The following KIF3C variants were observed in gnomAD, a reference collection of about 807,000 sequenced individuals.
KIF3C encodes kinesin-like protein KIF3C.
In KIF3C, 12 loss-of-function variants were observed where a neutral mutation model predicts 67.7. That is an observed-to-expected ratio of 0.18 (90% CI 0.11 to 0.29). The LOEUF (loss-of-function observed/expected upper bound fraction) is 0.29. Ranked by LOEUF, KIF3C falls within the 10% of genes least tolerant of loss-of-function variation. The pLI is 1.00. For synonymous variants in KIF3C, 393 were observed against 426.2 expected, an observed-to-expected ratio of 0.92 and a Z score of 0.96; for missense variants, 789 against 1,059.6, an observed-to-expected ratio of 0.74 and a Z score of 3.55.
rs986147265 is a variant in KIF3C at position 25,927,715 on chromosome 2, G to A, written c.*1263C>T. 2 of 152,050 alleles carry A rather than the reference G, an allele frequency of 1.3e-5. No homozygotes were observed. Among genetic ancestry groups the A allele is most frequent in the Non-Finnish European group, 2.9e-5 (2 of 68,014 alleles). The allele number at this position is 152,050 out of a possible 1,614,324, so 9.4% of individuals were successfully genotyped here. ...AATCCTAATTCACTCGCTTGCTTTC[G>A]TTATGACCTCTTCACCCGTCCTCCA... On this transcript the variant is annotated 3_prime_UTR_variant, in exon 8 of 8. Coordinates refer to ENST00000264712, the MANE Select transcript of KIF3C (RefSeq NM_002254.8).
At chr2:25,976,202 G>A (rs571293061) in intron 1 of KIF3C, among the ~76,000 whole-genome samples, 2 of 152,208 alleles carry the variant, frequency 1.3e-5, no homozygotes, top group South Asian at 4.2e-4. Flanking sequence ...AACACAGTTC[G>A]CATTCCTCCT....
At chr2:25,957,451 G>A (rs558042523) in intron 1 of KIF3C, among the ~76,000 whole-genome samples, 37 of 152,276 alleles carry the variant, frequency 2.4e-4, no homozygotes, top group Admixed American at 2.0e-3. Flanking sequence ...GGGGGTGCCC[G>A]ATTTGAAATT....
Position 25,980,247 on chromosome 2 carries a change from G to T in KIF3C, c.1545+126C>A. 1.3e-6 allele frequency: 1 copy of T among 765,362 alleles called. No homozygotes were observed. Among genetic ancestry groups the T allele is most frequent in the Non-Finnish European group, 2.1e-6 (1 of 484,038 alleles). The allele number at this position is 765,362 out of a possible 1,614,324, so 47.4% of individuals were successfully genotyped here. A position where few individuals can be genotyped will look rare whatever the true frequency, so the allele number is the denominator to read the frequency against. On this transcript the variant is annotated intron_variant, in intron 1 of 7. Transcript: ENST00000264712. The surrounding 1 kb of genome is among the most constrained non-coding windows in gnomAD (Gnocchi z 7.6). Reference sequence around the variant, plus strand: ...TGCTCTGGGGGCACATTTGGCAGGAGGGCAGTGTGCGGTGCTGAGGGAGAA... The same window carrying T: ...TGCTCTGGGGGCACATTTGGCAGGATGGCAGTGTGCGGTGCTGAGGGAGAA...
chr2:25,958,580 C>CAAAAAA lies in KIF3C; in HGVS notation c.1546-2142_1546-2137dup, dbSNP rs550885993. On this transcript the variant is annotated intron_variant, in intron 1 of 7. Transcript: ENST00000264712. This position sits in a 1 kb window ranked among gnomAD's most constrained non-coding sequence, Gnocchi z 4.5. ...TGGGTGCCAGAGTGAGACTTCATCA[C>CAAAAAA]AAAAAACAAAAAACAAAAAACAGCA... Among the ~76,000 whole-genome samples the CAAAAAA allele has an allele frequency of 2.2e-4, 33 of 151,424 alleles. No homozygotes were observed. In the South Asian group the frequency reaches 6.9e-3, roughly 32 times the overall value.
chr2:25,968,065 A>G (rs1471944536), intron 1 of KIF3C, among the ~76,000 whole-genome samples: 1 of 152,088 alleles, frequency 6.6e-6, no homozygotes, highest in Non-Finnish European at 1.5e-5. Context: ...TCACAGACCT[A>G]TTTCTCCTTT....
At chr2:25,938,508 C>A (rs1004470253) in intron 5 of KIF3C, among the ~76,000 whole-genome samples, 2 of 152,182 alleles carry the variant, frequency 1.3e-5, no homozygotes, top group East Asian at 1.9e-4. Context: ...CCTTTGAAAG[C>A]TCAGGCGCTG....
intron 1 of KIF3C, among the ~76,000 whole-genome samples, chr2:25,970,267 C>T (rs972135276): frequency 2.6e-5 from 4 of 152,144 alleles, no homozygotes; most frequent in South Asian, 4.1e-4. Context: ...TCTAGGTGTG[C>T]GAACTTGGAA....
intron 1 of KIF3C, among the ~76,000 whole-genome samples, chr2:25,974,907 T>A (rs1231145909): frequency 6.6e-6 from 1 of 151,334 alleles, no homozygotes; most frequent in Non-Finnish European, 1.5e-5. Flanking sequence ...ATGCCTGTAA[T>A]CCCAGCTACT....
chr2:25,961,575 G>C (rs1663943683), intron 1 of KIF3C, among the ~76,000 whole-genome samples: 1 of 152,332 alleles, frequency 6.6e-6, no homozygotes, highest in East Asian at 1.9e-4. Flanking sequence ...GGGAGGAGGA[G>C]GAGGAGTAAC....
intron 5 of KIF3C, among the ~76,000 whole-genome samples, chr2:25,946,634 G>A (rs1162080915): frequency 1.3e-5 from 2 of 152,326 alleles, no homozygotes; most frequent in Admixed American, 6.5e-5. Context: ...GTTGCAGTGA[G>A]CCAAGATCGC....
At position 25,981,766 on chromosome 2, in the gene KIF3C, G is replaced by A. The variant is rs763882724; in HGVS notation, c.152C>T (p.Pro51Leu). 6.2e-7 allele frequency: 1 copy of A among 1,613,538 alleles called. No individual in the cohort carries two copies. The highest frequency in any genetic ancestry group is 8.5e-7 in the Non-Finnish European group (1 of 1,179,706). The change falls in exon 1 of 8, where the codon CCG (proline) becomes CTG (leucine). Residue 51 changes from proline (P) to leucine (L), a missense_variant. This residue lies in a region of KIF3C where 141 missense variants were observed against 251.8 expected (regional missense o/e 0.56). Transcript: ENST00000264712. The surrounding 1 kb of genome is among the most constrained non-coding windows in gnomAD (Gnocchi z 8.2). Reference protein sequence around the residue: ...QVTLRNPRAAPGELPKTFTFD... With the variant: ...QVTLRNPRAALGELPKTFTFD... ...GGTGAAGGTCTTGGGCAGCTCCCCC[G>A]GGGCGGCGCGGGGGTTCCGCAGGGT...
At chr2:25,932,190 C>CG (rs916586484) in intron 5 of KIF3C, among the ~76,000 whole-genome samples, 6 of 151,502 alleles carry the variant, frequency 4.0e-5, no homozygotes, top group Non-Finnish European at 5.9e-5. Context: ...TTAGTAGAGA[C>CG]GGGGTTTCAC....
chr2:25,973,407 A>G (rs1664329571), intron 1 of KIF3C, among the ~76,000 whole-genome samples: 1 of 152,084 alleles, frequency 6.6e-6, no homozygotes, highest in Non-Finnish European at 1.5e-5. Flanking sequence ...TACAAAACTT[A>G]GCCAGGTGTG....
chr2:25,982,183 A>G lies in KIF3C; in HGVS notation c.-266T>C. ...GTCGCCGCGGGAGCAGCGCCTGCCG[A>G]GCAGCCGTGCCCGGAGCCCGCCCCA... is the stretch of plus-strand genomic sequence containing the variant. On this transcript the variant is annotated 5_prime_UTR_variant, in exon 1 of 8. Transcript: ENST00000264712. The G allele has an allele frequency of 2.2e-6, 1 of 446,698 alleles. No homozygotes were observed. The highest frequency in any genetic ancestry group is 3.9e-6 in the Non-Finnish European group (1 of 254,292). The allele number at this position is 446,698 out of a possible 1,614,324, so 27.7% of individuals were successfully genotyped here. A position where few individuals can be genotyped will look rare whatever the true frequency, so the allele number is the denominator to read the frequency against.
At chr2:25,935,706 T>C (rs946268804) in intron 5 of KIF3C, among the ~76,000 whole-genome samples, 3 of 152,050 alleles carry the variant, frequency 2.0e-5, no homozygotes, top group African/African-American at 7.2e-5. Flanking sequence ...ACAACCAAAA[T>C]GGGGTTGGTT....
rs777980561 is a variant in KIF3C at position 25,980,653 on chromosome 2, G to A, written c.1265C>T (p.Pro422Leu). ...KKAVSAPPGY[P>L]EGPVIEAWVA... ...CCAGGCCTCAATCACTGGGCCCTCA[G>A]GGTACCCAGGCGGGGCGGACACGGC... is the stretch of plus-strand genomic sequence containing the variant. The change falls in exon 1 of 8, where the codon CCT (proline) becomes CTT (leucine). Residue 422 changes from proline to leucine, a missense_variant. Coordinates refer to ENST00000264712, the MANE Select transcript of KIF3C (RefSeq NM_002254.8). The surrounding 1 kb of genome is among the most constrained non-coding windows in gnomAD (Gnocchi z 7.6). 4 of 1,614,040 alleles carry A rather than the reference G, an allele frequency of 2.5e-6. No individual in the cohort carries two copies. Among genetic ancestry groups the A allele is most frequent in the Non-Finnish European group, 3.4e-6 (4 of 1,180,022 alleles).
At position 25,982,261 on chromosome 2, in the gene KIF3C, AG is replaced by A. The variant is rs1308470900; in HGVS notation, c.-345del. 4.7e-5 allele frequency: 19 copies of A among 408,590 alleles called. No homozygotes were observed. The highest frequency in any genetic ancestry group is 8.2e-5 in the Non-Finnish European group (19 of 232,394). 25.3% of individuals were successfully genotyped at this position (408,590 alleles called of 1,614,324 possible). A position where few individuals can be genotyped will look rare whatever the true frequency, so the allele number is the denominator to read the frequency against. ...AACAGCTTCGGCAACAATGAGATAAAGGAAGAGGAAAATGGGATGGGGGTGG... is the reference window on the plus strand; with the variant it reads ...AACAGCTTCGGCAACAATGAGATAAAGAAGAGGAAAATGGGATGGGGGTGG... On this transcript the variant is annotated 5_prime_UTR_variant, in exon 1 of 8. An upstream open reading frame in the 5' UTR gains an earlier in-frame stop. Coordinates refer to ENST00000264712, the MANE Select transcript of KIF3C (RefSeq NM_002254.8).
chr2:25,942,812 G>A, intron 5 of KIF3C, among the ~76,000 whole-genome samples: 1 of 152,096 alleles, frequency 6.6e-6, no homozygotes, highest in East Asian at 1.9e-4. Flanking sequence ...CATGGAGATG[G>A]TAGAGAAAAA....
rs749168140 is a variant in KIF3C, at chr2:25,981,525, G to C, written c.393C>G (p.Ile131Met). The C allele has an allele frequency of 1.9e-6, 3 of 1,614,110 alleles. No homozygotes were observed. Among genetic ancestry groups the C allele is most frequent in the Non-Finnish European group, 2.5e-6 (3 of 1,180,056 alleles). ...GGTACTGTTGGTTCTGGGAGCGGGA[G>C]ATGTGGGTGAAGATGTGCTCAAAGG... is the stretch of plus-strand genomic sequence containing the variant. ...PNAFEHIFTH[I>M]SRSQNQQYLV... Residue 131 changes from isoleucine to methionine, a missense_variant, in exon 1 of 8, where the codon ATC becomes ATG. Around this residue, in one of 2 missense-constraint regions of KIF3C, gnomAD observed 141 missense variants for 251.8 expected, o/e 0.56. Transcript: ENST00000264712. The surrounding 1 kb of genome is among the most constrained non-coding windows in gnomAD (Gnocchi z 8.2).
Sources: gnomAD v4.1 joint callset for allele counts (sites outside exome capture counted in the v4.1 genomes callset) on GRCh38, gnomAD v4.1.1 for gene constraint, gnomAD v4.1.1 regional missense constraint, Gnocchi (gnomAD v3.1) non-coding constraint, MANE v1.5 for transcripts, NCBI Gene and HGNC (gene_info 2026-07-23, HGNC 2026-07-21) for gene names.